ANKS1B: variants seen among roughly 807,000 people sequenced by gnomAD.
ANKS1B encodes the protein ankyrin repeat and sterile alpha motif domain-containing protein 1B.
Under a neutral mutation model 148.3 loss-of-function variants are expected in ANKS1B, and 36 were observed. The observed-to-expected ratio is 0.24, with a 90% confidence interval of 0.19 to 0.32. The LOEUF (loss-of-function observed/expected upper bound fraction) is 0.32, where lower values mean the gene tolerates loss of function less well. ANKS1B is among the 10% of genes least tolerant of loss of function. The pLI is 1.00. For synonymous variants in ANKS1B, 542 were observed against 560.8 expected (o/e 0.97, Z 0.47); for missense variants, 1,157 against 1,542.6 (o/e 0.75, Z 4.19).
chr12:99,279,216 GC>G (rs2078070154), intron 12 of ANKS1B, among the ~76,000 whole-genome samples: 1 of 152,106 alleles, frequency 6.6e-6, no homozygotes, highest in African/African-American at 2.4e-5. Context: ...TTCTTTTCAG[GC>G]TGACATGGGT....
chr12:98,936,962 G>C (rs1354392114), intron 17 of ANKS1B, among the ~76,000 whole-genome samples: 1 of 152,216 alleles, frequency 6.6e-6, no homozygotes, highest in African/African-American at 2.4e-5. Flanking sequence ...TCCTTCCCCT[G>C]CTTTAAGTCC....
rs374195165 is a variant in ANKS1B, at chr12:99,782,026, T to C, written c.741A>G (p.Glu247=). 2 of 1,601,872 alleles carry C rather than the reference T, an allele frequency of 1.2e-6. No individual in the cohort carries two copies. The highest frequency in any genetic ancestry group is 2.7e-5 in the African/African-American group (2 of 74,776). The change falls in exon 5 of 27, where the codon GAA becomes GAG. Residue 247 remains glutamate (E), a synonymous_variant. Transcript: ENST00000683438. ...ATGCAGAATCACAATAGTTACCTGTTTCTAACAGAACTCGTACAACATCCA... is the reference window on the plus strand; with the variant it reads ...ATGCAGAATCACAATAGTTACCTGTCTCTAACAGAACTCGTACAACATCCA... ...GKVDVVRVLL[E]TGIDANIKDS... is the part of the protein sequence containing the mutation.
intron 2 of ANKS1B, among the ~76,000 whole-genome samples, chr12:99,822,274 A>G (rs2082603088): frequency 6.6e-6 from 1 of 152,106 alleles, no homozygotes; most frequent in Non-Finnish European, 1.5e-5. Flanking sequence ...AAAGGTAACT[A>G]CCATTTCTAC....
chr12:99,740,006 C>G (rs1400301645), intron 8 of ANKS1B, among the ~76,000 whole-genome samples: 1 of 152,128 alleles, frequency 6.6e-6, no homozygotes, highest in African/African-American at 2.4e-5. Context: ...AGAACATTAC[C>G]TGGCACATAA....
chr12:99,354,129 C>T (rs1197674511), intron 12 of ANKS1B, among the ~76,000 whole-genome samples: 1 of 151,962 alleles, frequency 6.6e-6, no homozygotes, highest in African/African-American at 2.4e-5. Flanking sequence ...AGTGTATATA[C>T]TAACCTCAAA....
rs145637364 is a variant in ANKS1B at position 99,522,820 on chromosome 12, C to A, written c.1273-18179G>T. On this transcript the variant is annotated intron_variant, in intron 9 of 26. Transcript: ENST00000683438. ...AGTGACAGGCCTCCACTCTTCAGTG[C>A]TAATTAGTATTGGGAATGATCTGGC... is the stretch of plus-strand genomic sequence containing the variant. Among the ~76,000 whole-genome samples the A allele has an allele frequency of 1.8e-4, 27 of 152,226 alleles. No homozygotes were observed. The East Asian group carries it at 4.6e-3, about 26-fold the overall frequency.
intron 1 of ANKS1B, among the ~76,000 whole-genome samples, chr12:99,975,731 C>T (rs964776485): frequency 9.9e-5 from 15 of 152,152 alleles, no homozygotes; most frequent in Non-Finnish European, 2.2e-4. Flanking sequence ...TTGTCAGATA[C>T]ACAGATTGCA....
intron 22 of ANKS1B, among the ~76,000 whole-genome samples, chr12:98,792,057 T>C (rs745390444): frequency 6.6e-6 from 1 of 152,194 alleles, no homozygotes; most frequent in Non-Finnish European, 1.5e-5. Context: ...ATTTGAAAAT[T>C]CACGCTTTAG....
At chr12:99,607,374 TC>T (rs2153324986) in intron 9 of ANKS1B, among the ~76,000 whole-genome samples, 1 of 150,978 alleles carries the variant, frequency 6.6e-6, no homozygotes, top group Admixed American at 6.6e-5. Context: ...ATGTAGTTTT[TC>T]CTTTTTTTTT....
At chr12:99,575,511 A>G (rs1405594913) in intron 9 of ANKS1B, among the ~76,000 whole-genome samples, 1 of 152,106 alleles carries the variant, frequency 6.6e-6, no homozygotes, top group Admixed American at 6.6e-5. Flanking sequence ...ATGGATCCAC[A>G]TGGCTGGGGA....
chr12:99,206,283 T>A (rs913930413), intron 14 of ANKS1B, among the ~76,000 whole-genome samples: 1 of 152,182 alleles, frequency 6.6e-6, no homozygotes, highest in Admixed American at 6.5e-5. Flanking sequence ...ACTTGCCTTT[T>A]ACACTTTATT....
chr12:99,344,114 A>G (rs1206240473), intron 12 of ANKS1B, among the ~76,000 whole-genome samples: 3 of 151,972 alleles, frequency 2.0e-5, no homozygotes, highest in Non-Finnish European at 4.4e-5. Context: ...CATGAGTCTT[A>G]TTAGGTCATT....
intron 12 of ANKS1B, among the ~76,000 whole-genome samples, chr12:99,379,459 T>C (rs773844355): frequency 6.6e-6 from 1 of 152,186 alleles, no homozygotes; most frequent in Non-Finnish European, 1.5e-5. Flanking sequence ...ATTAAATTAG[T>C]GAGAATATGC....
At chr12:99,679,334 G>T (rs1012114603) in intron 8 of ANKS1B, among the ~76,000 whole-genome samples, 1 of 151,898 alleles carries the variant, frequency 6.6e-6, no homozygotes, top group African/African-American at 2.4e-5. Flanking sequence ...TTTGAGACAG[G>T]GTCTGGCTAG....
intron 8 of ANKS1B, among the ~76,000 whole-genome samples, chr12:99,703,459 T>C (rs921018980): frequency 1.3e-5 from 2 of 152,168 alleles, no homozygotes; most frequent in Non-Finnish European, 2.9e-5. Flanking sequence ...AAACCCACCA[T>C]GTGTTATGGT....
At chr12:99,520,034 C>A (rs74588126) in intron 9 of ANKS1B, among the ~76,000 whole-genome samples, 1 of 152,082 alleles carries the variant, frequency 6.6e-6, no homozygotes, top group African/African-American at 2.4e-5. Flanking sequence ...TGTCTTCAAA[C>A]GTTGTTGTAG....
At chr12:99,603,392 C>T (rs1567453037) in intron 9 of ANKS1B, among the ~76,000 whole-genome samples, 2 of 152,074 alleles carry the variant, frequency 1.3e-5, no homozygotes, top group Non-Finnish European at 2.9e-5. Context: ...CAGAAAGTGA[C>T]ATTCTTTAGC....
At chr12:99,928,271 AT>A (rs763106581) in intron 1 of ANKS1B, among the ~76,000 whole-genome samples, 46 of 99,114 alleles carry the variant, frequency 4.6e-4, no homozygotes, top group Middle Eastern at 7.0e-3. Flanking sequence ...ATTTTATTTT[AT>A]TTTTTTTTTT....
intron 17 of ANKS1B, among the ~76,000 whole-genome samples, chr12:98,898,445 C>A (rs144602331): frequency 1.1e-4 from 16 of 151,970 alleles, no homozygotes; most frequent in African/African-American, 3.9e-4. Flanking sequence ...TTTTTAGGTA[C>A]CAGAACAGCA....
Sources: allele counts gnomAD v4.1 joint callset (sites outside exome capture counted in the v4.1 genomes callset), GRCh38; gene constraint gnomAD v4.1.1; transcripts MANE v1.5; gene names NCBI Gene and HGNC (gene_info 2026-07-23, HGNC 2026-07-21).